BRCC3: variants seen among roughly 807,000 people sequenced by gnomAD.
The protein encoded by BRCC3 is BRCA1/BRCA2-containing complex subunit 3.
Under a neutral mutation model 28.0 loss-of-function variants are expected in BRCC3, and 15 were observed. The ratio of observed to expected loss-of-function variants is 0.54; its 90% CI spans 0.36 to 0.82. The LOEUF (loss-of-function observed/expected upper bound fraction) is 0.82. BRCC3 is among the 40% of genes least tolerant of loss of function. The probability of loss-of-function intolerance (pLI) is 0.01; values close to 1 mark genes in which losing one functional copy is unlikely to be tolerated. For synonymous variants in BRCC3, 66 were observed against 80.3 expected (o/e 0.82, Z 0.95); for missense variants, 109 against 225.9 (o/e 0.48, Z 3.32).
chrX:155,071,688 G>A, intron 1 of BRCC3, 38 bp downstream of exon 1: 2 of 1,189,488 alleles, frequency 1.7e-6, no homozygotes, highest in Admixed American at 2.3e-5. Context: ...ACCCTGCTGA[G>A]CAGTCCCAGT....
chrX:155,075,315 C>CCTGGCCCTTCTTGT (rs2074028607), intron 3 of BRCC3, among the ~76,000 whole-genome samples: 1 of 53,001 alleles, frequency 1.9e-5, no homozygotes, highest in African/African-American at 3.8e-4. Flanking sequence ...TGTTCTTCCC[C>CCTGGCCCTTCTTGT]ACACTAAATG....
At chrX:155,079,155 G>A (rs782149294) in intron 5 of BRCC3, among the ~76,000 whole-genome samples, 2 of 111,254 alleles carry the variant, frequency 1.8e-5, no homozygotes, top group African/African-American at 6.6e-5. Context: ...TTTTTTGTCC[G>A]TATCTGCGTC....
rs1569560404 is a variant in BRCC3 at position 155,075,273 on chromosome X, A to ACATCT, written c.195+1842_195+1843insCATCT. On this transcript the variant is annotated intron_variant, in intron 3 of 10. Transcript: ENST00000330045. The stretch of plus-strand genomic sequence containing the variant: ...ACCCTTGTCCCTTCAACATCTGATA[A>ACATCT]TGCTAAGCCCACTCTTTCCCCTGGC... Among the ~76,000 whole-genome samples, 4 of 50,806 alleles carry ACATCT rather than the reference A, an allele frequency of 7.9e-5. No homozygotes were observed. The African/African-American group carries it at 2.3e-3, about 29-fold the overall frequency. The allele number at this position is 50,806 out of a possible 115,157, so 44.1% of individuals were successfully genotyped here. A position where few individuals can be genotyped will look rare whatever the true frequency, so the allele number is the denominator to read the frequency against.
At chrX:155,076,338 G>A (rs1398582501) in intron 3 of BRCC3, among the ~76,000 whole-genome samples, 3 of 110,915 alleles carry the variant, frequency 2.7e-5, no homozygotes, top group African/African-American at 9.9e-5. Flanking sequence ...GCAGTGAGCT[G>A]AGATTGCACT....
intron 7 of BRCC3, among the ~76,000 whole-genome samples, chrX:155,103,893 A>G (rs1219830071): frequency 1.9e-5 from 2 of 107,639 alleles, no homozygotes; most frequent in Non-Finnish European, 3.8e-5. Context: ...GCTGTCTTCT[A>G]GTTTACTCAT....
intron 7 of BRCC3, among the ~76,000 whole-genome samples, 161 bp downstream of exon 7, chrX:155,091,000 G>C (rs1487041443): frequency 2.7e-5 from 3 of 111,705 alleles, no homozygotes; most frequent in Non-Finnish European, 3.8e-5. Context: ...AATCTCTTTA[G>C]CAGCTTGGAT....
At chrX:155,118,516 T>C (rs1164018315) in intron 9 of BRCC3, among the ~76,000 whole-genome samples, 4 of 112,137 alleles carry the variant, frequency 3.6e-5, no homozygotes, top group African/African-American at 1.3e-4. Flanking sequence ...TGTGTTGTTA[T>C]GAAGGAATAC....
chrX:155,087,824 T>C (rs1557295119), intron 5 of BRCC3, among the ~76,000 whole-genome samples: 2 of 111,888 alleles, frequency 1.8e-5, no homozygotes, highest in Non-Finnish European at 3.8e-5. Context: ...AAAAAGCAGT[T>C]TGGGTAACAT....
Position 155,071,588 on chromosome X carries a change from G to A in BRCC3, c.61G>A (p.Val21Ile). ...TCATCTCGAGTCTGACGCTTTCCTCGTTTGTCTCAACCACGCTCTGAGCAC... is the reference window on the plus strand; with the variant it reads ...TCATCTCGAGTCTGACGCTTTCCTCATTTGTCTCAACCACGCTCTGAGCAC... ...AVHLESDAFLVCLNHALSTEK... is the reference protein window; with the variant it reads ...AVHLESDAFLICLNHALSTEK... The change falls in exon 1 of 11, where the codon GTT (valine) becomes ATT (isoleucine). Residue 21 changes from valine to isoleucine, a missense_variant. Val to Ile is a conservative substitution (Grantham distance 29, BLOSUM62 3). Coordinates refer to ENST00000330045, the MANE Select transcript of BRCC3 (RefSeq NM_001018055.3). 1 of 1,210,294 alleles carries A rather than the reference G, an allele frequency of 8.3e-7. No individual in the cohort carries two copies. Among genetic ancestry groups the A allele is most frequent in the Non-Finnish European group, 1.1e-6 (1 of 894,556 alleles).
chrX:155,119,938 A>G, intron 9 of BRCC3, 61 bp from the exon 10 acceptor site: 1 of 1,050,698 alleles, frequency 9.5e-7, no homozygotes, highest in Non-Finnish European at 1.3e-6. Flanking sequence ...GATAGAGTGG[A>G]AACATGCTAG....
At chrX:155,117,069 G>A (rs150368843) in intron 9 of BRCC3, among the ~76,000 whole-genome samples, 5 of 112,226 alleles carry the variant, frequency 4.5e-5, no homozygotes, top group East Asian at 5.6e-4. Flanking sequence ...CTGATTTGTC[G>A]TGTTTGACGG....
chrX:155,090,039 C>T (rs1280302835), intron 6 of BRCC3, among the ~76,000 whole-genome samples: 1 of 112,136 alleles, frequency 8.9e-6, no homozygotes, highest in Non-Finnish European at 1.9e-5. Context: ...GTAACAACTA[C>T]CATTTATCAC....
At chrX:155,089,980 G>C (rs907312145) in intron 6 of BRCC3, among the ~76,000 whole-genome samples, 1 of 112,145 alleles carries the variant, frequency 8.9e-6, no homozygotes, top group African/African-American at 3.2e-5. Flanking sequence ...TAAGAGTGAA[G>C]ATAATGAGAA....
At position 155,072,729 on chromosome X, in the gene BRCC3, C is replaced by CT. The variant is rs782477739; in HGVS notation, c.140+396dup. Among the ~76,000 whole-genome samples, 42 of 105,664 alleles carry CT rather than the reference C, an allele frequency of 4.0e-4. No homozygotes were observed. The East Asian group carries it at 7.7e-3, about 19-fold the overall frequency. The allele number at this position is 105,664 out of a possible 115,157, so 91.8% of individuals were successfully genotyped here. ...GGTGCCCGCCACCACACCCGGCTGT[C>CT]TTTTTTTTTTGTACAGACGGGGTTT... On this transcript the variant is annotated intron_variant, in intron 2 of 10. Transcript: ENST00000330045.
intron 7 of BRCC3, among the ~76,000 whole-genome samples, chrX:155,101,159 A>G (rs927740565): frequency 7.2e-5 from 8 of 111,687 alleles, no homozygotes; most frequent in Admixed American, 3.8e-4. Context: ...TCAGCCTCCC[A>G]AAGTACTGGG....
At chrX:155,091,682 A>T (rs1306292038) in intron 7 of BRCC3, among the ~76,000 whole-genome samples, 5 of 111,492 alleles carry the variant, frequency 4.5e-5, no homozygotes, top group Non-Finnish European at 7.5e-5. Context: ...TTATCAATTT[A>T]TTATTATAGC....
intron 7 of BRCC3, among the ~76,000 whole-genome samples, chrX:155,105,418 G>A (rs2074276203): frequency 9.0e-6 from 1 of 111,697 alleles, no homozygotes; most frequent in Non-Finnish European, 1.9e-5. Context: ...GGGAGGCGGA[G>A]GTTGCAGTGA....
intron 3 of BRCC3, among the ~76,000 whole-genome samples, chrX:155,075,796 C>G (rs1557293542): frequency 2.7e-5 from 3 of 111,883 alleles, no homozygotes; most frequent in African/African-American, 9.8e-5. Context: ...TATGGCTTGG[C>G]ATTTGAGGTC....
At chrX:155,075,274 T>TTGTTCTG in intron 3 of BRCC3, among the ~76,000 whole-genome samples, 1 of 111,830 alleles carries the variant, frequency 8.9e-6, no homozygotes, top group South Asian at 3.7e-4. Flanking sequence ...CATCTGATAA[T>TTGTTCTG]GCTAAGCCCA....
Sources: allele counts gnomAD v4.1 joint callset (sites outside exome capture counted in the v4.1 genomes callset), GRCh38; gene constraint gnomAD v4.1.1; transcripts MANE v1.5; gene names NCBI Gene and HGNC (gene_info 2026-07-23, HGNC 2026-07-21).